Variants in CCDC73 observed in about 807,000 individuals in gnomAD.
CCDC73 encodes the protein coiled-coil domain-containing protein 73.
In CCDC73, 95 loss-of-function variants were observed where a neutral mutation model predicts 116.5. The observed-to-expected ratio is 0.82, with a 90% confidence interval of 0.69 to 0.97. The LOEUF (loss-of-function observed/expected upper bound fraction) is 0.97. CCDC73 is among the 50% of genes least tolerant of loss of function. The probability of loss-of-function intolerance (pLI) is 0.00; values close to 1 mark genes in which losing one functional copy is unlikely to be tolerated. For missense variants in CCDC73, 1,066 were observed against 1,206.8 expected (o/e 0.88, Z 1.73); for synonymous variants, 398 against 401.3 (o/e 0.99, Z 0.10).
chr11:32,825,652 G>A, the CCDC73 span, among the ~76,000 whole-genome samples: 2 of 152,158 alleles, frequency 1.3e-5, no homozygotes, highest in Non-Finnish European at 2.9e-5. Context: ...AGCTAGAAAT[G>A]CCTAATTTGT....
chr11:32,699,663 T>C (rs1302996591), intron 5 of CCDC73, among the ~76,000 whole-genome samples: 3 of 151,922 alleles, frequency 2.0e-5, no homozygotes, highest in Non-Finnish European at 4.4e-5. Context: ...TTCTTACTCA[T>C]AGGTGGGAAC....
At chr11:32,683,678 A>T (rs1856168762) in intron 6 of CCDC73, 104 bp from the exon 7 acceptor site, 1 of 654,306 alleles carries the variant, frequency 1.5e-6, no homozygotes. Context: ...TGTATCTTCT[A>T]TGTACCATTA....
intron 9 of CCDC73, among the ~76,000 whole-genome samples, chr11:32,660,183 T>G (rs1855908952): frequency 6.9e-6 from 1 of 144,580 alleles, no homozygotes; most frequent in African/African-American, 2.6e-5. Flanking sequence ...TTTTATAAGC[T>G]GCTTGACATT....
chr11:32,728,700 GTTTGT>G (rs199771218), intron 2 of CCDC73, among the ~76,000 whole-genome samples: 3 of 149,466 alleles, frequency 2.0e-5, no homozygotes, highest in Non-Finnish European at 3.0e-5. Context: ...ATTCTGTTTT[GTTTGT>G]TTTGTTTTGT....
At chr11:32,693,914 TC>T (rs1266133566) in intron 6 of CCDC73, among the ~76,000 whole-genome samples, 1 of 152,208 alleles carries the variant, frequency 6.6e-6, no homozygotes, top group African/African-American at 2.4e-5. Context: ...GGAACGCATC[TC>T]AAAATAATAA....
intron 1 of CCDC73, among the ~76,000 whole-genome samples, chr11:32,770,578 C>T (rs1414641514): frequency 1.3e-5 from 2 of 152,152 alleles, no homozygotes; most frequent in Non-Finnish European, 2.9e-5. Flanking sequence ...GGCAGAGAGA[C>T]TGTTTATGGA....
intron 9 of CCDC73, among the ~76,000 whole-genome samples, chr11:32,659,195 T>C (rs901648917): frequency 1.3e-5 from 2 of 152,174 alleles, no homozygotes; most frequent in African/African-American, 2.4e-5. Flanking sequence ...CAAGATAGCT[T>C]CCTTTGAAAG....
At chr11:32,603,445 G>GAGTAA (rs1235018278) in intron 17 of CCDC73, 2 of 153,722 alleles carry the variant, frequency 1.3e-5, no homozygotes, top group African/African-American at 4.8e-5. Flanking sequence ...TTAGAAAATA[G>GAGTAA]AGTAAAGTAG....
intron 1 of CCDC73, among the ~76,000 whole-genome samples, chr11:32,776,409 AG>A (rs1409727833): frequency 1.3e-5 from 2 of 152,146 alleles, no homozygotes; most frequent in Non-Finnish European, 2.9e-5. Context: ...CTAATATTTC[AG>A]GGTTCCCCAC....
the CCDC73 span, chr11:32,830,415 T>C: frequency 9.4e-7 from 1 of 1,066,324 alleles, no homozygotes; most frequent in East Asian, 3.1e-5. Flanking sequence ...GCCTAGGCTT[T>C]GAGTACAACA....
At chr11:32,720,804 CA>C (rs1479369329) in intron 2 of CCDC73, among the ~76,000 whole-genome samples, 1 of 151,954 alleles carries the variant, frequency 6.6e-6, no homozygotes, top group East Asian at 1.9e-4. Context: ...TTGGAGTGGG[CA>C]TTAAAGATAG....
the CCDC73 span, among the ~76,000 whole-genome samples, chr11:32,812,555 G>C: frequency 3.3e-5 from 5 of 152,094 alleles, no homozygotes; most frequent in African/African-American, 1.2e-4. Flanking sequence ...TGTGATCCCA[G>C]CTACTCGGGA....
At chr11:32,713,399 T>C (rs1331611272) in intron 3 of CCDC73, among the ~76,000 whole-genome samples, 2 of 152,058 alleles carry the variant, frequency 1.3e-5, no homozygotes, top group Non-Finnish European at 1.5e-5. Flanking sequence ...CCGATCTCAG[T>C]AGGAATCCCA....
chr11:32,748,807 G>T (rs1158318105), intron 2 of CCDC73, among the ~76,000 whole-genome samples: 3 of 152,070 alleles, frequency 2.0e-5, no homozygotes, highest in Non-Finnish European at 1.5e-5. Flanking sequence ...CATGTTTGAA[G>T]GATATTTTCA....
chr11:32,829,553 A>C, the CCDC73 span, among the ~76,000 whole-genome samples: 2 of 152,134 alleles, frequency 1.3e-5, no homozygotes, highest in African/African-American at 4.8e-5. Flanking sequence ...TCCCCGGACC[A>C]CCCTTTTGAG....
intron 2 of CCDC73, among the ~76,000 whole-genome samples, chr11:32,734,066 G>T (rs1211625886): frequency 6.6e-6 from 1 of 152,068 alleles, no homozygotes. Context: ...TCAAATAGTC[G>T]CAATAAAACA....
At chr11:32,625,899 A>G (rs888340275) in intron 14 of CCDC73, among the ~76,000 whole-genome samples, 1 of 148,556 alleles carries the variant, frequency 6.7e-6, no homozygotes. Context: ...AACTGGAAGC[A>G]TTCCCTTTGA....
At chr11:32,778,245 G>A (rs1456334379) in intron 1 of CCDC73, among the ~76,000 whole-genome samples, 1 of 152,038 alleles carries the variant, frequency 6.6e-6, no homozygotes, top group Admixed American at 6.6e-5. Flanking sequence ...CAGAAAATGG[G>A]GTTAAGGCCC....
At chr11:32,749,727 C>T (rs926799976) in intron 2 of CCDC73, among the ~76,000 whole-genome samples, 4 of 151,938 alleles carry the variant, frequency 2.6e-5, no homozygotes, top group Admixed American at 6.6e-5. Context: ...TCACTGCAGC[C>T]GCATCTGCAC....
Sources: gnomAD v4.1 joint callset for allele counts (sites outside exome capture counted in the v4.1 genomes callset) on GRCh38, gnomAD v4.1.1 for gene constraint, MANE v1.5 for transcripts, NCBI Gene and HGNC (gene_info 2026-07-23, HGNC 2026-07-21) for gene names.